Variants in KATNAL2 observed in about 807,000 individuals in gnomAD.
KATNAL2 encodes the protein katanin catalytic subunit A1 like 2, also known as katanin p60 ATPase-containing subunit A-like 2.
KATNAL2 carries 52 observed loss-of-function variants against 76.3 expected under a neutral mutation model. The observed-to-expected ratio is 0.68, with a 90% confidence interval of 0.55 to 0.86. The LOEUF (loss-of-function observed/expected upper bound fraction) is 0.86, where lower values mean the gene tolerates loss of function less well. Ranked by LOEUF, KATNAL2 falls within the 40% of genes least tolerant of loss-of-function variation. The pLI, the probability that KATNAL2 is intolerant of heterozygous loss-of-function variation, is 0.00. For missense variants in KATNAL2, 660 were observed against 668.9 expected (o/e 0.99, Z 0.15); for synonymous variants, 243 against 244.2 (o/e 1.00, Z 0.05).
intron 9 of KATNAL2, 24 bp downstream of exon 9, chr18:47,063,094 C>A: frequency 6.3e-7 from 1 of 1,589,924 alleles, no homozygotes; most frequent in Non-Finnish European, 8.6e-7. Context: ...ATGTGACATT[C>A]ATCTTTCAAA....
At chr18:47,093,463 T>C (rs1034875758) in intron 15 of KATNAL2, among the ~76,000 whole-genome samples, 2 of 151,692 alleles carry the variant, frequency 1.3e-5, no homozygotes, top group Non-Finnish European at 2.9e-5. Flanking sequence ...TGTTCTCATT[T>C]AAAAAACCAT....
chr18:47,085,873 C>A (rs1413504011), intron 15 of KATNAL2, among the ~76,000 whole-genome samples: 2 of 152,070 alleles, frequency 1.3e-5, no homozygotes, highest in African/African-American at 4.8e-5. Context: ...AAGACTGAGG[C>A]AGGAGGACTG....
At chr18:47,089,975 C>G (rs1233494302) in intron 15 of KATNAL2, among the ~76,000 whole-genome samples, 2 of 152,118 alleles carry the variant, frequency 1.3e-5, no homozygotes, top group African/African-American at 2.4e-5. Context: ...TTTGGTAGAG[C>G]TGGGGTTTCA....
chr18:47,058,181 C>A (rs2061524013), intron 6 of KATNAL2, 54 bp from the exon 7 acceptor site: 2 of 1,204,740 alleles, frequency 1.7e-6, no homozygotes, highest in Non-Finnish European at 2.5e-6. Flanking sequence ...GTTTAACTAC[C>A]TCAAATTAAG....
intron 1 of KATNAL2, among the ~76,000 whole-genome samples, chr18:46,921,303 C>G (rs138126106): frequency 6.6e-6 from 1 of 151,948 alleles, no homozygotes; most frequent in African/African-American, 2.4e-5. Context: ...AATTTTTGTA[C>G]TTTTAGTAGA....
chr18:46,954,688 G>A (rs2059672162), intron 3 of KATNAL2, among the ~76,000 whole-genome samples: 1 of 151,552 alleles, frequency 6.6e-6, no homozygotes, highest in Non-Finnish European at 1.5e-5. Context: ...TTGTCACCCA[G>A]GCTGGAGTAC....
intron 11 of KATNAL2, among the ~76,000 whole-genome samples, chr18:47,068,196 G>T (rs2061874981): frequency 6.6e-6 from 1 of 152,238 alleles, no homozygotes. Flanking sequence ...ATTTCTTGAT[G>T]AAAGGAGCTA....
intron 3 of KATNAL2, chr18:47,033,007 C>T: frequency 1.9e-6 from 3 of 1,614,104 alleles, no homozygotes; most frequent in East Asian, 2.2e-5. Flanking sequence ...CTGAGTTTAT[C>T]GTCGGGAGAA....
Position 47,069,275 on chromosome 18 carries a change from G to T in KATNAL2, c.881G>T (p.Gly294Val). 1 of 1,608,988 alleles carries T rather than the reference G, an allele frequency of 6.2e-7. No individual in the cohort carries two copies. Among genetic ancestry groups the T allele is most frequent in the Non-Finnish European group, 8.5e-7 (1 of 1,177,316 alleles). Residue 294 changes from glycine to valine, a missense_variant, in exon 12 of 18, where the codon GGC (glycine) becomes GTC (valine). Physicochemically the swap from Gly to Val is moderately radical, Grantham distance 109. Transcript: ENST00000683218. ...CCCTGGAAAGGACTACTGCTGTACG[G>T]CCCTCCAGGTAAACACAGCTTCCTA... ...LSPWKGLLLY[G>V]PPGTGKTLLA...
rs147580626 is a variant in KATNAL2 at position 47,033,099 on chromosome 18, C to T, written c.52-13358C>T. The T allele has an allele frequency of 6.5e-4, 1,050 of 1,614,080 alleles. 6 individuals carry two copies. Among genetic ancestry groups the T allele is most frequent in the Middle Eastern group, 2.5e-3 (15 of 5,934 alleles). The stretch of plus-strand genomic sequence containing the variant: ...CCTGTTTCCGGGTTTTGGCCGCGGG[C>T]GCCGCGTGCTCATTGCTGCTGCTCA... On this transcript the variant is annotated intron_variant, in intron 3 of 17. Transcript: ENST00000683218.
intron 3 of KATNAL2, among the ~76,000 whole-genome samples, chr18:46,956,854 C>A (rs1011802424): frequency 2.0e-5 from 3 of 151,808 alleles, no homozygotes; most frequent in Non-Finnish European, 4.4e-5. Context: ...ACCATCCTGA[C>A]CAATATGATG....
intron 3 of KATNAL2, chr18:47,032,777 C>G (rs2060534840): frequency 4.1e-6 from 3 of 725,248 alleles, no homozygotes; most frequent in African/African-American, 1.8e-5. Context: ...GTTCCCAATG[C>G]GTTCATATCT....
At chr18:47,053,496 A>G (rs1177229321) in intron 5 of KATNAL2, among the ~76,000 whole-genome samples, 1 of 152,218 alleles carries the variant, frequency 6.6e-6, no homozygotes, top group Non-Finnish European at 1.5e-5. Context: ...AAAGCCATCA[A>G]TCCAGATAAT....
rs2063373423 is a variant in KATNAL2, at chr18:47,099,255, T to C, written c.1224T>C (p.Cys408=). ...GGTGTGATTTCAGGGAGCTGGACTG[T>C]GCCATGTTACGCCGCCTGGAGAAGA... The part of the protein sequence containing the change: ...AASNLPWELD[C]AMLRRLEKRI... Residue 408 remains cysteine, a synonymous_variant, in exon 16 of 18, where the codon TGT becomes TGC. Transcript: ENST00000683218. The C allele has an allele frequency of 6.2e-6, 10 of 1,613,310 alleles. No homozygotes were observed. In the East Asian group the frequency reaches 2.2e-4, roughly 36 times the overall value.
chr18:46,948,389 G>A (rs1025872240), intron 3 of KATNAL2, among the ~76,000 whole-genome samples: 16 of 150,646 alleles, frequency 1.1e-4, no homozygotes, highest in African/African-American at 3.9e-4. Flanking sequence ...TAGGATAACA[G>A]GCATGAACCA....
At chr18:47,079,767 G>T (rs1722987262) in intron 15 of KATNAL2, among the ~76,000 whole-genome samples, 1 of 152,132 alleles carries the variant, frequency 6.6e-6, no homozygotes, top group South Asian at 2.1e-4. Context: ...TGGTAGTAGG[G>T]TTGTTCTTAC....
chr18:47,099,606 G>C (rs543968061), intron 16 of KATNAL2, among the ~76,000 whole-genome samples: 1 of 152,324 alleles, frequency 6.6e-6, no homozygotes, highest in East Asian at 1.9e-4. Context: ...AACAATGTGA[G>C]GCAGTGGAAA....
In KATNAL2 at chr18:47,102,229, A is replaced by G. The variant is rs1376630448; in HGVS notation, c.*1224A>G. The G allele has an allele frequency of 6.6e-6, 1 of 152,220 alleles. No homozygotes were observed. The highest frequency in any genetic ancestry group is 2.4e-5 in the African/African-American group (1 of 41,458). The allele number at this position is 152,220 out of a possible 1,614,324, so 9.4% of individuals were successfully genotyped here. A position where few individuals can be genotyped will look rare whatever the true frequency, so the allele number is the denominator to read the frequency against. On this transcript the variant is annotated 3_prime_UTR_variant, in exon 18 of 18. Coordinates refer to ENST00000683218, the MANE Select transcript of KATNAL2 (RefSeq NM_001387690.1). ...CCTTATTTAACAAATTGAAAATAAA[A>G]AAGATTTCATCTCAGTACATGCTTA... is the stretch of plus-strand genomic sequence containing the variant.
chr18:47,066,033 T>G (rs1233822561), intron 10 of KATNAL2, among the ~76,000 whole-genome samples: 1 of 151,466 alleles, frequency 6.6e-6, no homozygotes, highest in Non-Finnish European at 1.5e-5. Flanking sequence ...AAAATGAACC[T>G]CCTATGGTGG....
Sources: allele counts gnomAD v4.1 joint callset (sites outside exome capture counted in the v4.1 genomes callset), GRCh38; gene constraint gnomAD v4.1.1; transcripts MANE v1.5; gene names NCBI Gene and HGNC (gene_info 2026-07-23, HGNC 2026-07-21).